PDGFD: variants seen among roughly 807,000 people sequenced by gnomAD.
The protein encoded by PDGFD is platelet-derived growth factor D.
PDGFD carries 30 observed loss-of-function variants against 44.7 expected under a neutral mutation model. The ratio of observed to expected loss-of-function variants is 0.67; its 90% CI spans 0.50 to 0.91. The LOEUF (loss-of-function observed/expected upper bound fraction) is 0.91. PDGFD is among the 40% of genes least tolerant of loss of function. The pLI, the probability that PDGFD is intolerant of heterozygous loss-of-function variation, is 0.00. For missense variants in PDGFD, 445 were observed against 457.8 expected (o/e 0.97, Z 0.25); for synonymous variants, 173 against 168.4 (o/e 1.03, Z -0.21).
chr11:104,158,355 T>C (rs544326310), intron 1 of PDGFD, among the ~76,000 whole-genome samples: 1 of 152,320 alleles, frequency 6.6e-6, no homozygotes, highest in East Asian at 1.9e-4. Context: ...TTCTGGAGAA[T>C]CCTGGTACTC....
intron 3 of PDGFD, among the ~76,000 whole-genome samples, chr11:103,989,541 A>G (rs966856894): frequency 6.6e-5 from 10 of 152,196 alleles, no homozygotes; most frequent in Non-Finnish European, 5.9e-5. Flanking sequence ...TACATAATGA[A>G]AACTTTAATA....
intron 1 of PDGFD, among the ~76,000 whole-genome samples, chr11:104,087,359 C>A (rs1355380004): frequency 2.6e-5 from 4 of 152,178 alleles, no homozygotes; most frequent in Admixed American, 2.0e-4. Flanking sequence ...CAGGCACCTG[C>A]CACCACGCCT....
At chr11:104,016,502 A>C (rs1472269008) in intron 1 of PDGFD, among the ~76,000 whole-genome samples, 4 of 152,262 alleles carry the variant, frequency 2.6e-5, no homozygotes, top group African/African-American at 9.6e-5. Context: ...GAACAGACTT[A>C]CCAAGACTGG....
chr11:103,966,821 G>A (rs573009075), intron 3 of PDGFD, among the ~76,000 whole-genome samples: 6 of 134,620 alleles, frequency 4.5e-5, no homozygotes, highest in African/African-American at 1.5e-4. Context: ...CCCCTGAATC[G>A]CTGCAGGCAC....
In PDGFD at chr11:103,966,171, G is replaced by C. The variant is rs1247411725; in HGVS notation, c.511-18447C>G. 2.6e-5 allele frequency among the ~76,000 whole-genome samples: 4 copies of C among 152,152 alleles called. No individual in the cohort carries two copies. The East Asian group carries it at 7.7e-4, about 29-fold the overall frequency. The stretch of plus-strand genomic sequence containing the variant: ...GTATGTTTCAGATGTTTCCTGATTA[G>C]TTATGGAGGACAGAATGTGGGTGGA... On this transcript the variant is annotated intron_variant, in intron 3 of 6. Transcript: ENST00000393158.
intron 1 of PDGFD, among the ~76,000 whole-genome samples, chr11:104,101,014 T>C (rs556933990): frequency 1.3e-5 from 2 of 152,240 alleles, no homozygotes; most frequent in Admixed American, 1.3e-4. Flanking sequence ...GGGCAAAAAC[T>C]GGAAGCATTC....
At chr11:103,990,265 A>G (rs779131587) in intron 3 of PDGFD, among the ~76,000 whole-genome samples, 1 of 152,056 alleles carries the variant, frequency 6.6e-6, no homozygotes, top group Non-Finnish European at 1.5e-5. Context: ...TCTCTTTTCT[A>G]TTTTAGGGTC....
At chr11:104,037,372 A>G (rs1169065419) in intron 1 of PDGFD, 1 of 1,614,132 alleles carries the variant, frequency 6.2e-7, no homozygotes, top group Admixed American at 1.7e-5. Flanking sequence ...TCAGGTGCTG[A>G]TGGAGCAGCA....
At chr11:104,114,046 GTCTTTGCAT>G (rs1390890198) in intron 1 of PDGFD, among the ~76,000 whole-genome samples, 1 of 151,942 alleles carries the variant, frequency 6.6e-6, no homozygotes, top group Non-Finnish European at 1.5e-5. Context: ...TGTGTGATTT[GTCTTTGCAT>G]TCTCTTTATG....
At chr11:104,120,942 CAG>C (rs1861770931) in intron 1 of PDGFD, among the ~76,000 whole-genome samples, 1 of 151,968 alleles carries the variant, frequency 6.6e-6, no homozygotes, top group Non-Finnish European at 1.5e-5. Flanking sequence ...AAATGTAAAA[CAG>C]AGTCTTTTAC....
At chr11:103,911,635 A>C (rs1441987934) in intron 6 of PDGFD, among the ~76,000 whole-genome samples, 1 of 152,128 alleles carries the variant, frequency 6.6e-6, no homozygotes, top group African/African-American at 2.4e-5. Flanking sequence ...GAGTTTGAGG[A>C]ATTGACAGAA....
In PDGFD at chr11:104,087,370, G is replaced by C. The variant is rs190477698; in HGVS notation, c.124+76434C>G. Among the ~76,000 whole-genome samples the C allele has an allele frequency of 2.5e-3, 379 of 151,868 alleles. 4 individuals carry two copies. The highest frequency in any genetic ancestry group is 0.021 in the Admixed American group (324 of 15,234). On this transcript the variant is annotated intron_variant, in intron 1 of 6. Transcript: ENST00000393158. The stretch of plus-strand genomic sequence containing the variant: ...ATTACAGGCACCTGCCACCACGCCT[G>C]CCTAATTTTTGTAGTTTTAGTAGAG...
intron 3 of PDGFD, among the ~76,000 whole-genome samples, chr11:103,992,525 T>A (rs187641709): frequency 6.6e-6 from 1 of 152,336 alleles, no homozygotes; most frequent in East Asian, 1.9e-4. Context: ...ATAAGAAAGC[T>A]GTTTAATATT....
chr11:103,911,587 ACTC>A (rs746478805), intron 6 of PDGFD, among the ~76,000 whole-genome samples: 2 of 152,090 alleles, frequency 1.3e-5, no homozygotes, highest in Admixed American at 6.5e-5. Flanking sequence ...AAGGATCACA[ACTC>A]CTCGCCAGCA....
intron 5 of PDGFD, among the ~76,000 whole-genome samples, chr11:103,941,724 T>C (rs1858587156): frequency 6.6e-6 from 1 of 151,972 alleles, no homozygotes; most frequent in South Asian, 2.1e-4. Flanking sequence ...AAAAAAGTAA[T>C]GGATTTAGGT....
rs138415347 is a variant in PDGFD, at chr11:104,084,111, T to G, written c.124+79693A>C. On this transcript the variant is annotated intron_variant, in intron 1 of 6. Transcript: ENST00000393158. ...GCTCAACAAATGTGGATTCAGCTCT[T>G]GCAACATCTCAAGTATGCTTCTATG... Among the ~76,000 whole-genome samples, 591 of 152,314 alleles carry G rather than the reference T, an allele frequency of 3.9e-3. 1 individual carries two copies. Among genetic ancestry groups the G allele is most frequent in the Non-Finnish European group, 7.0e-3 (479 of 68,030 alleles).
intron 1 of PDGFD, among the ~76,000 whole-genome samples, chr11:104,127,353 A>C (rs1169345318): frequency 1.3e-5 from 2 of 152,090 alleles, no homozygotes; most frequent in Non-Finnish European, 2.9e-5. Flanking sequence ...CAGGACTTAG[A>C]GAGTTTTGAA....
intron 1 of PDGFD, among the ~76,000 whole-genome samples, chr11:104,022,918 T>G (rs535558024): frequency 4.0e-5 from 6 of 151,790 alleles, no homozygotes; most frequent in Admixed American, 2.0e-4. Flanking sequence ...ATAAAATTTG[T>G]TTTTTTTCCT....
chr11:103,964,585 G>A (rs1182224110), intron 3 of PDGFD, among the ~76,000 whole-genome samples: 1 of 151,982 alleles, frequency 6.6e-6, no homozygotes, highest in Admixed American at 6.6e-5. Flanking sequence ...ATCCCCTAGT[G>A]GCAAAATGTG....
Sources: allele counts gnomAD v4.1 joint callset (sites outside exome capture counted in the v4.1 genomes callset), GRCh38; gene constraint gnomAD v4.1.1; transcripts MANE v1.5; gene names NCBI Gene and HGNC (gene_info 2026-07-23, HGNC 2026-07-21).